AAK1: variants seen among roughly 807,000 people sequenced by gnomAD.
The protein encoded by AAK1 is AP2 associated kinase 1.
Under a neutral mutation model 116.0 loss-of-function variants are expected in AAK1, and 37 were observed. The observed-to-expected ratio is 0.32, with a 90% CI of 0.25 to 0.42. The LOEUF (loss-of-function observed/expected upper bound fraction) is 0.42. Ranked by LOEUF, AAK1 falls within the 10% of genes least tolerant of loss-of-function variation. The pLI is 1.00. For missense variants in AAK1, 919 were observed against 1,170.6 expected (o/e 0.79, Z 3.14); for synonymous variants, 458 against 439.9 (o/e 1.04, Z -0.51).
Position 69,461,826 on chromosome 2 carries a change from A to T in AAK1, c.*14043T>A. 3.9e-6 allele frequency: 1 copy of T among 253,678 alleles called. No homozygotes were observed. The allele number at this position is 253,678 out of a possible 1,614,324, so 15.7% of individuals were successfully genotyped here. A position where few individuals can be genotyped will look rare whatever the true frequency, so the allele number is the denominator to read the frequency against. On this transcript the variant is annotated 3_prime_UTR_variant, in exon 22 of 22. Transcript: ENST00000409085. ...AGGCTGGTCTCAAACTCCTACCCTC[A>T]AGTGATCCACCCACCTCGGCCTCCC...
intron 2 of AAK1, among the ~76,000 whole-genome samples, chr2:69,616,142 G>A (rs895644545): frequency 2.0e-5 from 3 of 152,224 alleles, no homozygotes; most frequent in Admixed American, 2.0e-4. Flanking sequence ...GATAGAGGTA[G>A]TGGTTGCACA....
intron 17 of AAK1, among the ~76,000 whole-genome samples, chr2:69,492,489 C>T (rs565292639): frequency 1.4e-5 from 2 of 146,866 alleles, no homozygotes; most frequent in African/African-American, 5.1e-5. Flanking sequence ...GCTGGGATTA[C>T]AGGCGTGAGC....
chr2:69,536,144 C>G (rs1236092889), intron 5 of AAK1, among the ~76,000 whole-genome samples: 2 of 152,176 alleles, frequency 1.3e-5, no homozygotes, highest in East Asian at 3.9e-4. Context: ...GGACCACACC[C>G]TCACCCACCG....
At chr2:69,485,337 C>G (rs988731277) in intron 17 of AAK1, among the ~76,000 whole-genome samples, 1 of 152,192 alleles carries the variant, frequency 6.6e-6, no homozygotes, top group Non-Finnish European at 1.5e-5. Context: ...TCTCTGGTGA[C>G]ATGTTGTGAC....
intron 2 of AAK1, among the ~76,000 whole-genome samples, chr2:69,628,580 T>C (rs1675018284): frequency 6.6e-6 from 1 of 152,210 alleles, no homozygotes; most frequent in Admixed American, 6.5e-5. Flanking sequence ...CAGGATTTGA[T>C]GGTAGACTTG....
chr2:69,488,451 G>A (rs1003774882), intron 17 of AAK1, among the ~76,000 whole-genome samples: 1 of 152,110 alleles, frequency 6.6e-6, no homozygotes, highest in African/African-American at 2.4e-5. Flanking sequence ...AAGAGTAAAA[G>A]AGCCTGAATT....
Position 69,493,158 on chromosome 2 carries a change from C to CAAAAAAAAAAAAAAAAAAAAAAAAAAA in AAK1, c.2365+2826_2365+2827insTTTTTTTTTTTTTTTTTTTTTTTTTTT, listed in dbSNP as rs574490585. ...TGGGCGACAGAGCGAGACTCCGTCT[C>CAAAAAAAAAAAAAAAAAAAAAAAAAAA]AAAAAAAAAAAAAAAAAAAGGATGC... On this transcript the variant is annotated intron_variant, in intron 17 of 21. Transcript: ENST00000409085. Among the ~76,000 whole-genome samples, 27 of 37,550 alleles carry CAAAAAAAAAAAAAAAAAAAAAAAAAAA rather than the reference C, an allele frequency of 7.2e-4. 1 individual carries two copies. Among genetic ancestry groups the CAAAAAAAAAAAAAAAAAAAAAAAAAAA allele is most frequent in the South Asian group, 2.7e-3 (2 of 734 alleles). The allele number at this position is 37,550 out of a possible 152,430, so 24.6% of individuals were successfully genotyped here.
At chr2:69,514,868 G>A (rs753441456) in intron 12 of AAK1, 119 bp from the exon 13 acceptor site, 4 of 1,192,864 alleles carry the variant, frequency 3.4e-6, no homozygotes, top group African/African-American at 3.1e-5. Flanking sequence ...AAGTAGAAAA[G>A]TCTTGAGGCT....
At chr2:69,552,741 G>T (rs1039822995) in intron 3 of AAK1, among the ~76,000 whole-genome samples, 3 of 151,770 alleles carry the variant, frequency 2.0e-5, no homozygotes, top group Non-Finnish European at 4.4e-5. Context: ...ACTCAAAATG[G>T]CTCATAGGTT....
intron 10 of AAK1, among the ~76,000 whole-genome samples, chr2:69,522,728 C>T (rs947141138): frequency 6.6e-6 from 1 of 151,346 alleles, no homozygotes; most frequent in East Asian, 1.9e-4. Context: ...CACTTGAACC[C>T]GGGAGGCAGA....
At chr2:69,494,104 A>G (rs765882373) in intron 17 of AAK1, among the ~76,000 whole-genome samples, 2 of 152,200 alleles carry the variant, frequency 1.3e-5, no homozygotes, top group Non-Finnish European at 2.9e-5. Flanking sequence ...CAGAAAGTAA[A>G]TAATACACTC....
At chr2:69,608,303 AG>A (rs1359260726) in intron 2 of AAK1, among the ~76,000 whole-genome samples, 1 of 152,234 alleles carries the variant, frequency 6.6e-6, no homozygotes, top group Non-Finnish European at 1.5e-5. Context: ...AGCTTGGCAG[AG>A]GGAGTGGCAC....
chr2:69,589,503 G>A (rs183832428), intron 2 of AAK1, among the ~76,000 whole-genome samples: 1 of 152,196 alleles, frequency 6.6e-6, no homozygotes, highest in African/African-American at 2.4e-5. Context: ...GAGGTCAGGA[G>A]TTCGAGACCA....
chr2:69,557,233 A>G (rs1266619116), intron 2 of AAK1, among the ~76,000 whole-genome samples: 1 of 151,808 alleles, frequency 6.6e-6, no homozygotes, highest in East Asian at 1.9e-4. Context: ...AATAGTAATT[A>G]TTTTCCAAAT....
At chr2:69,554,974 A>C (rs1671329199) in intron 3 of AAK1, among the ~76,000 whole-genome samples, 1 of 152,224 alleles carries the variant, frequency 6.6e-6, no homozygotes, top group African/African-American at 2.4e-5. Flanking sequence ...ATGCCTGCCT[A>C]GCCCAAGTAA....
At chr2:69,483,451 A>G (rs1675172699) in intron 17 of AAK1, among the ~76,000 whole-genome samples, 1 of 152,192 alleles carries the variant, frequency 6.6e-6, no homozygotes, top group Non-Finnish European at 1.5e-5. Flanking sequence ...GTATGGCTGT[A>G]CCACACTTTG....
chr2:69,601,930 G>A (rs1673598656), intron 2 of AAK1, among the ~76,000 whole-genome samples: 1 of 152,206 alleles, frequency 6.6e-6, no homozygotes, highest in African/African-American at 2.4e-5. Context: ...GCAGATACCA[G>A]TTAACTAGAT....
chr2:69,466,291 C>T lies in AAK1; in HGVS notation c.*9578G>A. ...GGTCTGCAGCTCTCATCTTCTTCTT[C>T]AGACTCCATAAGGAGAGGCCGAGAC... is the stretch of plus-strand genomic sequence containing the variant. On this transcript the variant is annotated 3_prime_UTR_variant, in exon 22 of 22. Coordinates refer to ENST00000409085, the MANE Select transcript of AAK1 (RefSeq NM_014911.5). 3.1e-6 allele frequency: 4 copies of T among 1,289,756 alleles called. No individual in the cohort carries two copies. In the African/African-American group the frequency reaches 4.5e-5, roughly 15 times the overall value. The allele number at this position is 1,289,756 out of a possible 1,614,324, so 79.9% of individuals were successfully genotyped here.
Position 69,470,432 on chromosome 2 carries a change from TG to T in AAK1, c.*5436del, listed in dbSNP as rs1674637735. 1.0e-5 allele frequency: 10 copies of T among 985,308 alleles called. No individual in the cohort carries two copies. The highest frequency in any genetic ancestry group is 1.2e-5 in the Non-Finnish European group (10 of 829,942). The allele number at this position is 985,308 out of a possible 1,614,324, so 61.0% of individuals were successfully genotyped here. A position where few individuals can be genotyped will look rare whatever the true frequency, so the allele number is the denominator to read the frequency against. Reference sequence around the variant, plus strand: ...AGCTCACATAACAAAATTAAGCATTTGGTTCCACCATATATTAGGTAGCTGC... The same window carrying T: ...AGCTCACATAACAAAATTAAGCATTTGTTCCACCATATATTAGGTAGCTGC... On this transcript the variant is annotated 3_prime_UTR_variant, in exon 22 of 22. Coordinates refer to ENST00000409085, the MANE Select transcript of AAK1 (RefSeq NM_014911.5).
Sources: gnomAD v4.1 joint callset for allele counts (sites outside exome capture counted in the v4.1 genomes callset) on GRCh38, gnomAD v4.1.1 for gene constraint, MANE v1.5 for transcripts, NCBI Gene and HGNC (gene_info 2026-07-23, HGNC 2026-07-21) for gene names.